Variants in SYNPO2 observed in about 807,000 individuals in gnomAD.
The protein encoded by SYNPO2 is synaptopodin-2.
In SYNPO2, 56 loss-of-function variants were observed where a neutral mutation model predicts 85.0. The observed-to-expected ratio is 0.66, with a 90% CI of 0.53 to 0.82. The LOEUF is 0.82. Ranked by LOEUF, SYNPO2 falls within the 40% of genes least tolerant of loss-of-function variation. SYNPO2 has a pLI of 0.00. For missense variants in SYNPO2, 1,575 were observed against 1,534.2 expected (o/e 1.03, Z -0.44); for synonymous variants, 602 against 591.1 (o/e 1.02, Z -0.27).
intron 1 of SYNPO2, among the ~76,000 whole-genome samples, chr4:119,010,797 A>G (rs1737269008): frequency 2.6e-5 from 4 of 152,250 alleles, no homozygotes; most frequent in Admixed American, 2.6e-4. Flanking sequence ...AAAGACAATC[A>G]GTTAATATAT....
chr4:118,950,510 G>C (rs1288800028), intron 1 of SYNPO2, among the ~76,000 whole-genome samples: 3 of 152,160 alleles, frequency 2.0e-5, no homozygotes, highest in Non-Finnish European at 4.4e-5. Context: ...CTTAGGATTT[G>C]ATAATTTAAA....
At chr4:118,947,479 C>A (rs983512270) in intron 1 of SYNPO2, among the ~76,000 whole-genome samples, 1 of 152,152 alleles carries the variant, frequency 6.6e-6, no homozygotes, top group African/African-American at 2.4e-5. Context: ...AGGAGAATGA[C>A]CTTCAGTTCC....
intron 1 of SYNPO2, among the ~76,000 whole-genome samples, chr4:118,979,753 G>A (rs555296645): frequency 6.6e-6 from 1 of 152,270 alleles, no homozygotes; most frequent in Admixed American, 6.5e-5. Flanking sequence ...CATATAACCA[G>A]GAATTATAGT....
intron 1 of SYNPO2, among the ~76,000 whole-genome samples, chr4:119,017,423 T>C (rs2149182240): frequency 6.6e-6 from 1 of 152,264 alleles, no homozygotes; most frequent in South Asian, 2.1e-4. Flanking sequence ...GGTAAGGGAA[T>C]GCTTATTAAA....
chr4:118,869,581 T>G (rs555849435), intron 1 of SYNPO2, among the ~76,000 whole-genome samples: 1 of 152,308 alleles, frequency 6.6e-6, no homozygotes, highest in South Asian at 2.1e-4. Flanking sequence ...CTGGGGCCTA[T>G]AGAATTGGTT....
chr4:119,030,596 A>G lies in SYNPO2; in HGVS notation c.1821A>G (p.Arg607=). ...CAGCTACCCCCTTCTCGCCAACCCG[A>G]AACATGACGAGTCCCATTGCTGACT... The part of the protein sequence containing the change: ...NQPATPFSPT[R]NMTSPIADFP... Residue 607 remains arginine, a synonymous_variant, in exon 4 of 5, where the codon CGA becomes CGG. Transcript: ENST00000307142. The G allele has an allele frequency of 6.2e-7, 1 of 1,614,038 alleles. No homozygotes were observed. Among genetic ancestry groups the G allele is most frequent in the Non-Finnish European group, 8.5e-7 (1 of 1,180,002 alleles).
chr4:118,982,169 T>C (rs1736047788), intron 1 of SYNPO2, among the ~76,000 whole-genome samples: 2 of 152,170 alleles, frequency 1.3e-5, no homozygotes, highest in Admixed American at 1.3e-4. Flanking sequence ...TGCAAAGTTT[T>C]TTTTTTACAT....
intron 4 of SYNPO2, among the ~76,000 whole-genome samples, chr4:119,045,579 A>G (rs1738848928): frequency 6.6e-6 from 1 of 152,236 alleles, no homozygotes; most frequent in Non-Finnish European, 1.5e-5. Flanking sequence ...TGAACTTTTT[A>G]TATATACTAT....
chr4:119,035,256 C>T lies in SYNPO2; in HGVS notation c.3252+3229C>T, dbSNP rs749410. 2.6e-3 allele frequency: 2,517 copies of T among 985,408 alleles called. 87 individuals are homozygous for T. The East Asian group carries it at 0.12, about 46-fold the overall frequency. The allele number at this position is 985,408 out of a possible 1,614,324, so 61.0% of individuals were successfully genotyped here. On this transcript the variant is annotated intron_variant, in intron 4 of 4. Coordinates refer to ENST00000307142, the MANE Select transcript of SYNPO2 (RefSeq NM_133477.3). ...CTCTCTTCCTGACGGGAATGTTGTG[C>T]TATAATGAATCTGCATAACGCTTGG...
chr4:119,014,872 T>C (rs1304989996), intron 1 of SYNPO2, among the ~76,000 whole-genome samples: 2 of 152,186 alleles, frequency 1.3e-5, no homozygotes, highest in African/African-American at 4.8e-5. Flanking sequence ...ACCTCTCAAG[T>C]ATGTGCTGTG....
chr4:118,925,591 C>T (rs760883857), intron 1 of SYNPO2, among the ~76,000 whole-genome samples: 18 of 152,154 alleles, frequency 1.2e-4, no homozygotes, highest in Non-Finnish European at 2.2e-4. Flanking sequence ...ATATCTTGAG[C>T]TCTGCAGCTT....
intron 1 of SYNPO2, among the ~76,000 whole-genome samples, chr4:118,882,808 C>A (rs1310525692): frequency 6.6e-6 from 1 of 150,566 alleles, no homozygotes; most frequent in African/African-American, 2.4e-5. Flanking sequence ...CTCGCTCTGT[C>A]GCCCAGGCTG....
chr4:118,898,610 G>A (rs1732623667), intron 1 of SYNPO2, among the ~76,000 whole-genome samples: 1 of 152,190 alleles, frequency 6.6e-6, no homozygotes, highest in African/African-American at 2.4e-5. Flanking sequence ...CTGAGGCTTA[G>A]AGAAGTTAAG....
chr4:118,935,607 G>A (rs950237093), intron 1 of SYNPO2, among the ~76,000 whole-genome samples: 4 of 152,218 alleles, frequency 2.6e-5, no homozygotes, highest in Admixed American at 6.5e-5. Flanking sequence ...TAAGTTGGCC[G>A]TTGAAAAATG....
chr4:119,034,603 G>A, intron 4 of SYNPO2: 2 of 985,434 alleles, frequency 2.0e-6, no homozygotes, highest in Non-Finnish European at 2.4e-6. Context: ...GTCTCATCTT[G>A]GACCATACAG....
At chr4:118,878,191 A>C (rs1731962895) in intron 1 of SYNPO2, among the ~76,000 whole-genome samples, 1 of 152,246 alleles carries the variant, frequency 6.6e-6, no homozygotes, top group Admixed American at 6.5e-5. Context: ...AACAATAGAC[A>C]TCAGGGCCTA....
intron 4 of SYNPO2, 160 bp downstream of exon 4, chr4:119,032,187 C>G: frequency 6.9e-7 from 1 of 1,450,480 alleles, no homozygotes; most frequent in Non-Finnish European, 9.0e-7. Flanking sequence ...TAATCTGGGT[C>G]CAAGGAGTAT....
intron 1 of SYNPO2, among the ~76,000 whole-genome samples, chr4:118,911,332 T>C (rs1182927552): frequency 1.3e-5 from 2 of 152,150 alleles, no homozygotes; most frequent in Non-Finnish European, 2.9e-5. Flanking sequence ...TGAACTGCCT[T>C]GGTTATCTAT....
At chr4:119,022,858 C>A (rs551368783) in intron 1 of SYNPO2, among the ~76,000 whole-genome samples, 2 of 151,626 alleles carry the variant, frequency 1.3e-5, no homozygotes, top group South Asian at 4.2e-4. Context: ...CTCACTGCAA[C>A]CTCCACCTCC....
Sources: allele counts gnomAD v4.1 joint callset (sites outside exome capture counted in the v4.1 genomes callset), GRCh38; gene constraint gnomAD v4.1.1; transcripts MANE v1.5; gene names NCBI Gene and HGNC (gene_info 2026-07-23, HGNC 2026-07-21).